The following SLAIN1 variants were observed in gnomAD, a reference collection of about 807,000 sequenced individuals.
The protein encoded by SLAIN1 is SLAIN motif-containing protein 1.
SLAIN1 carries 17 observed loss-of-function variants against 55.4 expected under a neutral mutation model. The ratio of observed to expected loss-of-function variants is 0.31; its 90% CI spans 0.21 to 0.46. The LOEUF (loss-of-function observed/expected upper bound fraction) is 0.46, where lower values mean the gene tolerates loss of function less well. Ranked by LOEUF, SLAIN1 falls within the 20% of genes least tolerant of loss-of-function variation. The probability of loss-of-function intolerance (pLI) is 1.00; values close to 1 mark genes in which losing one functional copy is unlikely to be tolerated. For synonymous variants in SLAIN1, 348 were observed against 337.4 expected, an observed-to-expected ratio of 1.03 and a Z score of -0.35; for missense variants, 682 against 785.1, an observed-to-expected ratio of 0.87 and a Z score of 1.57.
chr13:77,744,601 A>AG, intron 3 of SLAIN1, 169 bp downstream of exon 3: 1 of 981,994 alleles, frequency 1.0e-6, no homozygotes, highest in South Asian at 1.5e-5. Context: ...CACTATCATG[A>AG]GGTGGTAGGA....
chr13:77,727,209 C>T (rs117835690), intron 2 of SLAIN1, among the ~76,000 whole-genome samples: 1,788 of 152,204 alleles, frequency 0.012, 11 homozygotes, highest in Non-Finnish European at 0.019. Context: ...ATGGTCCTAA[C>T]GATGTTTGCT....
At chr13:77,754,455 A>G in intron 5 of SLAIN1, among the ~76,000 whole-genome samples, 1 of 152,190 alleles carries the variant, frequency 6.6e-6, no homozygotes, top group East Asian at 1.9e-4. Context: ...GTTAAGGAAC[A>G]GTTTGTCTAA....
At position 77,698,154 on chromosome 13, in the gene SLAIN1, C is replaced by G. The variant is rs1484266989; in HGVS notation, c.241C>G (p.Arg81Gly). 8.7e-7 allele frequency: 1 copy of G among 1,154,418 alleles called. No individual in the cohort carries two copies. The highest frequency in any genetic ancestry group is 1.1e-6 in the Non-Finnish European group (1 of 938,272). The allele number at this position is 1,154,418 out of a possible 1,614,324, so 71.5% of individuals were successfully genotyped here. ...PPAGLQPLGP[R>G]SPPAATATAA... The stretch of plus-strand genomic sequence containing the variant: ...CGCTGGCCTGCAGCCTTTGGGTCCT[C>G]GGAGCCCCCCGGCCGCCACGGCCAC... Residue 81 changes from arginine to glycine, a missense_variant, in exon 1 of 7, where the codon CGG becomes GGG. Physicochemically the swap from Arg to Gly is moderately radical, Grantham distance 125 (BLOSUM62 -2). Coordinates refer to ENST00000418532, the MANE Select transcript of SLAIN1 (RefSeq NM_001242868.2). This position sits in a 1 kb window ranked among gnomAD's most constrained non-coding sequence, Gnocchi z 4.1.
intron 5 of SLAIN1, among the ~76,000 whole-genome samples, chr13:77,756,299 T>C (rs1442955750): frequency 4.6e-5 from 7 of 152,074 alleles, no homozygotes; most frequent in Non-Finnish European, 1.0e-4. Context: ...TGCAGATCAA[T>C]TTTTGGAAGA....
At chr13:77,731,809 A>G (rs1181883072) in intron 2 of SLAIN1, among the ~76,000 whole-genome samples, 1 of 152,146 alleles carries the variant, frequency 6.6e-6, no homozygotes, top group African/African-American at 2.4e-5. Flanking sequence ...ATAACCTTTC[A>G]TGGTGGGAAA....
intron 2 of SLAIN1, among the ~76,000 whole-genome samples, chr13:77,733,861 T>C (rs1447813221): frequency 6.6e-6 from 1 of 152,130 alleles, no homozygotes; most frequent in Non-Finnish European, 1.5e-5. Context: ...TAAAAAATAT[T>C]GGATCAGATA....
At chr13:77,702,879 T>C (rs970686779) in intron 1 of SLAIN1, among the ~76,000 whole-genome samples, 5 of 152,214 alleles carry the variant, frequency 3.3e-5, no homozygotes, top group African/African-American at 1.2e-4. Flanking sequence ...ATGTTTTAGT[T>C]TTATAGATGT....
At chr13:77,732,836 T>C (rs1300382072) in intron 2 of SLAIN1, among the ~76,000 whole-genome samples, 1 of 152,078 alleles carries the variant, frequency 6.6e-6, no homozygotes, top group Non-Finnish European at 1.5e-5. Flanking sequence ...TGGAAACAAG[T>C]TGATAGTCAA....
chr13:77,707,565 G>A (rs529532987), intron 1 of SLAIN1, among the ~76,000 whole-genome samples: 27 of 152,208 alleles, frequency 1.8e-4, no homozygotes, highest in Admixed American at 6.6e-4. Context: ...TGCCGAAGCC[G>A]ATCTAAAGCT....
Position 77,745,201 on chromosome 13 carries a change from A to G in SLAIN1, c.916+769A>G, listed in dbSNP as rs375743838. Among the ~76,000 whole-genome samples, 5 of 151,920 alleles carry G rather than the reference A, an allele frequency of 3.3e-5. No homozygotes were observed. The East Asian group carries it at 7.7e-4, about 23-fold the overall frequency. On this transcript the variant is annotated intron_variant, in intron 3 of 6. Coordinates refer to ENST00000418532, the MANE Select transcript of SLAIN1 (RefSeq NM_001242868.2). ...GAACCTGTAGGTAATGAAATTGCATACAGCTTAATACTCTCTCTATCTCTT... is the reference window on the plus strand; with the variant it reads ...GAACCTGTAGGTAATGAAATTGCATGCAGCTTAATACTCTCTCTATCTCTT...
In SLAIN1 at chr13:77,697,826, AG is replaced by A. The variant is rs1285854536; in HGVS notation, c.-85del. ...GGTCGGCCCCCCAGGCCGGGGCGACAGGGAAGGAGCCGTAGCCTCCCCGTGG... is the reference window on the plus strand; with the variant it reads ...GGTCGGCCCCCCAGGCCGGGGCGACAGGAAGGAGCCGTAGCCTCCCCGTGG... On this transcript the variant is annotated 5_prime_UTR_variant, in exon 1 of 7. It removes the in-frame stop codon of an upstream open reading frame in the 5' UTR. Coordinates refer to ENST00000418532, the MANE Select transcript of SLAIN1 (RefSeq NM_001242868.2). 5 of 1,182,852 alleles carry A rather than the reference AG, an allele frequency of 4.2e-6. No individual in the cohort carries two copies. The highest frequency in any genetic ancestry group is 5.2e-6 in the Non-Finnish European group (5 of 957,076). 73.3% of individuals were successfully genotyped at this position (1,182,852 alleles called of 1,614,324 possible).
In SLAIN1 at chr13:77,697,797, G is replaced by C. The variant is rs1187623092; in HGVS notation, c.-117G>C. 3 of 1,089,904 alleles carry C rather than the reference G, an allele frequency of 2.8e-6. No homozygotes were observed. Among genetic ancestry groups the C allele is most frequent in the Non-Finnish European group, 3.4e-6 (3 of 878,830 alleles). The allele number at this position is 1,089,904 out of a possible 1,614,324, so 67.5% of individuals were successfully genotyped here. ...AACCGCCGGCTCGGCCTCAGCCCGC[G>C]CGTGGTCGGCCCCCCAGGCCGGGGC... On this transcript the variant is annotated 5_prime_UTR_variant, in exon 1 of 7. Coordinates refer to ENST00000418532, the MANE Select transcript of SLAIN1 (RefSeq NM_001242868.2).
Position 77,740,339 on chromosome 13 carries a change from TAC to T in SLAIN1, c.767-3942_767-3941del, listed in dbSNP as rs144150642. On this transcript the variant is annotated intron_variant, in intron 2 of 6. Transcript: ENST00000418532. ...GTGGTTAAGGAAGTTGCGGTAGAAC[TAC>T]AGAGATTATGCAGAAAGAAGTGTCC... is the stretch of plus-strand genomic sequence containing the variant. Among the ~76,000 whole-genome samples, 412 of 152,128 alleles carry T rather than the reference TAC, an allele frequency of 2.7e-3. 1 individual carries two copies. Among genetic ancestry groups the T allele is most frequent in the African/African-American group, 9.6e-3 (399 of 41,524 alleles).
chr13:77,732,628 A>G (rs1222821826), intron 2 of SLAIN1, among the ~76,000 whole-genome samples: 1 of 152,156 alleles, frequency 6.6e-6, no homozygotes, highest in Non-Finnish European at 1.5e-5. Context: ...GCTTCTATAA[A>G]AGGGAATTTT....
chr13:77,702,547 C>T (rs924741900), intron 1 of SLAIN1, among the ~76,000 whole-genome samples: 3 of 152,114 alleles, frequency 2.0e-5, no homozygotes, highest in Admixed American at 6.6e-5. Flanking sequence ...GAGCCATTAG[C>T]TAACTGCATA....
At chr13:77,707,994 T>G (rs1165724208) in intron 1 of SLAIN1, among the ~76,000 whole-genome samples, 1 of 152,176 alleles carries the variant, frequency 6.6e-6, no homozygotes, top group African/African-American at 2.4e-5. Context: ...GATTCACTGC[T>G]TTTAGTGCCA....
At chr13:77,724,429 ATGT>A (rs1304409307) in intron 2 of SLAIN1, among the ~76,000 whole-genome samples, 9 of 152,112 alleles carry the variant, frequency 5.9e-5, no homozygotes, top group Non-Finnish European at 1.3e-4. Flanking sequence ...CATTTCTAAG[ATGT>A]TGTGACCATC....
At chr13:77,737,300 G>A (rs755249535) in intron 2 of SLAIN1, among the ~76,000 whole-genome samples, 57 of 151,936 alleles carry the variant, frequency 3.8e-4, no homozygotes, top group Non-Finnish European at 7.5e-4. Flanking sequence ...AGGACCTCAT[G>A]ATGTCTCACC....
chr13:77,744,970 A>C (rs1371824074), intron 3 of SLAIN1, among the ~76,000 whole-genome samples: 1 of 152,078 alleles, frequency 6.6e-6, no homozygotes, highest in Non-Finnish European at 1.5e-5. Flanking sequence ...GTGAATAAAA[A>C]ATTTGATCAT....
Sources: allele counts gnomAD v4.1 joint callset (sites outside exome capture counted in the v4.1 genomes callset), GRCh38; gene constraint gnomAD v4.1.1; non-coding constraint Gnocchi (gnomAD v3.1); transcripts MANE v1.5; gene names NCBI Gene and HGNC (gene_info 2026-07-23, HGNC 2026-07-21).